The following USH1C variants were observed in gnomAD, a reference collection of about 807,000 sequenced individuals.
The protein encoded by USH1C is harmonin.
In USH1C, 90 loss-of-function variants were observed where a neutral mutation model predicts 119.3. The ratio of observed to expected loss-of-function variants is 0.75; its 90% CI spans 0.64 to 0.90. The LOEUF (loss-of-function observed/expected upper bound fraction) is 0.90. Ranked by LOEUF, USH1C falls within the 40% of genes least tolerant of loss-of-function variation. The probability of loss-of-function intolerance (pLI) is 0.00; values close to 1 mark genes in which losing one functional copy is unlikely to be tolerated. For synonymous variants in USH1C, 465 were observed against 443.3 expected (o/e 1.05, Z -0.62); for missense variants, 1,165 against 1,167.7 (o/e 1.00, Z 0.03).
chr11:17,498,259 T>A lies in USH1C; in HGVS notation c.2393A>T (p.Lys798Ile). 6.2e-7 allele frequency: 1 copy of A among 1,614,136 alleles called. No individual in the cohort carries two copies. Among genetic ancestry groups the A allele is most frequent in the East Asian group, 2.2e-5 (1 of 44,878 alleles). ...GAAERHGGIVKGDEIMAINGK... is the reference protein window; with the variant it reads ...GAAERHGGIVIGDEIMAINGK... Reference sequence around the variant, plus strand: ...GTTGATTGCCATGATCTCGTCCCCTTTCACAATGCCACCTGCAGGCAGATG... The same window carrying A: ...GTTGATTGCCATGATCTCGTCCCCTATCACAATGCCACCTGCAGGCAGATG... The change falls in exon 24 of 27, where the codon AAA (lysine) becomes ATA (isoleucine). Residue 798 changes from lysine (K) to isoleucine (I), a missense_variant. Coordinates refer to ENST00000005226, the MANE Select transcript of USH1C (RefSeq NM_153676.4).
At position 17,544,295 on chromosome 11, in the gene USH1C, C is replaced by T; in HGVS notation, c.13G>A (p.Val5Met). 1 of 1,614,092 alleles carries T rather than the reference C, an allele frequency of 6.2e-7. No homozygotes were observed. Among genetic ancestry groups the T allele is most frequent in the Non-Finnish European group, 8.5e-7 (1 of 1,179,986 alleles). ...ACCTTATGCCGGAATTCTCGGGCCACTTTTCGGTCCATGGCTGGGCCAGGT... is the reference window on the plus strand; with the variant it reads ...ACCTTATGCCGGAATTCTCGGGCCATTTTTCGGTCCATGGCTGGGCCAGGT... MDRK[V>M]AREFRHKVDF... The change falls in exon 1 of 27, where the codon GTG (valine) becomes ATG (methionine). Residue 5 changes from valine to methionine, a missense_variant. By Grantham distance (21) the Val-to-Met change is conservative (BLOSUM62 1). Transcript: ENST00000005226.
intron 1 of USH1C, among the ~76,000 whole-genome samples, chr11:17,543,249 G>T (rs1444609061): frequency 6.6e-6 from 1 of 152,242 alleles, no homozygotes; most frequent in Non-Finnish European, 1.5e-5. Flanking sequence ...ACCCTGACCT[G>T]CCCTACCTGA....
rs1231116298 is a variant in USH1C, at chr11:17,495,587, G to A, written c.2637C>T (p.Leu879=). 2 of 1,614,144 alleles carry A rather than the reference G, an allele frequency of 1.2e-6. No individual in the cohort carries two copies. The highest frequency in any genetic ancestry group is 1.3e-5 in the African/African-American group (1 of 75,048). ...DRAAVHRHGF[L]LQLEPTDLLL... ...TATTCACCGTGGGCTCCAGCTGCAGGAGGAACCCGTGTCTGTGCACGGCAG... is the reference window on the plus strand; with the variant it reads ...TATTCACCGTGGGCTCCAGCTGCAGAAGGAACCCGTGTCTGTGCACGGCAG... The change falls in exon 26 of 27, where the codon CTC becomes CTT. Residue 879 remains leucine (L), a synonymous_variant. Transcript: ENST00000005226.
intron 18 of USH1C, among the ~76,000 whole-genome samples, chr11:17,508,300 C>T (rs183805128): frequency 7.9e-5 from 12 of 152,340 alleles, no homozygotes; most frequent in African/African-American, 2.4e-4. Flanking sequence ...GAGAGTCTCC[C>T]GCTGGAAGCT....
At chr11:17,501,373 C>T (rs965712716) in intron 22 of USH1C, 109 bp downstream of exon 22, 1 of 1,327,748 alleles carries the variant, frequency 7.5e-7, no homozygotes, top group African/African-American at 1.5e-5. Flanking sequence ...ACAGTGGGGA[C>T]CTGAGAGACC....
At chr11:17,500,418 C>T (rs1037647962) in intron 23 of USH1C, among the ~76,000 whole-genome samples, 2 of 152,200 alleles carry the variant, frequency 1.3e-5, no homozygotes, top group African/African-American at 4.8e-5. Context: ...ATAACAGAAC[C>T]TGCTTTCAGG....
At chr11:17,524,988 T>C (rs77220689) in intron 8 of USH1C, among the ~76,000 whole-genome samples, 3,838 of 152,260 alleles carry the variant, frequency 0.025, 170 homozygotes, top group African/African-American at 0.087. Context: ...ACTACAGGTG[T>C]GCACCACCAT....
At chr11:17,538,506 C>A (rs1851319284) in intron 1 of USH1C, among the ~76,000 whole-genome samples, 1 of 152,170 alleles carries the variant, frequency 6.6e-6, no homozygotes, top group East Asian at 1.9e-4. Context: ...AGAGCCAGAA[C>A]AAATTAAATA....
At chr11:17,525,626 C>T (rs552504520) in intron 8 of USH1C, among the ~76,000 whole-genome samples, 16 of 152,180 alleles carry the variant, frequency 1.1e-4, no homozygotes, top group African/African-American at 2.4e-4. Flanking sequence ...ATCTGAGTAA[C>T]GGTGGCACCT....
intron 1 of USH1C, among the ~76,000 whole-genome samples, chr11:17,535,359 A>G (rs1851193050): frequency 1.3e-5 from 2 of 151,072 alleles, no homozygotes; most frequent in South Asian, 4.2e-4. Flanking sequence ...TGCTTCCCCC[A>G]CTTCCCTGCC....
At chr11:17,508,884 C>A (rs1591976730) in intron 18 of USH1C, among the ~76,000 whole-genome samples, 1 of 152,186 alleles carries the variant, frequency 6.6e-6, no homozygotes, top group East Asian at 1.9e-4. Flanking sequence ...GTTATCACTT[C>A]ATTTACAGAG....
chr11:17,495,726 C>T, intron 25 of USH1C, 49 bp from the exon 26 acceptor site: 1 of 1,589,536 alleles, frequency 6.3e-7, no homozygotes, highest in Non-Finnish European at 8.6e-7. Context: ...TTGGTTACTC[C>T]CAGGCAGAGC....
rs1028903986 is a variant in USH1C, at chr11:17,501,426, G to A, written c.2280+56C>T. On this transcript the variant is annotated intron_variant, in intron 22 of 26. Transcript: ENST00000005226. Reference sequence around the variant, plus strand: ...AGAGTAGAGGCAGGAGACCAAGGGAGGAGGGGCAGGCACAGAGAGGGATGG... The same window carrying A: ...AGAGTAGAGGCAGGAGACCAAGGGAAGAGGGGCAGGCACAGAGAGGGATGG... 3 of 1,580,340 alleles carry A rather than the reference G, an allele frequency of 1.9e-6. No individual in the cohort carries two copies. In the African/African-American group the frequency reaches 4.0e-5, roughly 21 times the overall value.
intron 1 of USH1C, among the ~76,000 whole-genome samples, chr11:17,543,657 C>A (rs1241231440): frequency 6.6e-6 from 1 of 152,196 alleles, no homozygotes; most frequent in Non-Finnish European, 1.5e-5. Flanking sequence ...CCGGCTCTGC[C>A]TGAAGGATCT....
At chr11:17,520,080 C>T (rs1413973361) in intron 14 of USH1C, among the ~76,000 whole-genome samples, 1 of 152,212 alleles carries the variant, frequency 6.6e-6, no homozygotes, top group Non-Finnish European at 1.5e-5. Context: ...AGCTGGAAGG[C>T]AGGAGTAAGG....
intron 4 of USH1C, among the ~76,000 whole-genome samples, 193 bp downstream of exon 4, chr11:17,530,961 G>C (rs560576074): frequency 1.7e-4 from 26 of 152,350 alleles, no homozygotes; most frequent in Admixed American, 2.6e-4. Flanking sequence ...CTTCACTCAA[G>C]AAAACAGGCA....
At chr11:17,494,858 C>T (rs1276971811) in intron 26 of USH1C, 2 of 261,070 alleles carry the variant, frequency 7.7e-6, no homozygotes, top group African/African-American at 4.4e-5. Flanking sequence ...TGTCCACGGG[C>T]ACATCCCTAT....
chr11:17,531,077 C>G lies in USH1C; in HGVS notation c.387+77G>C. ...AAGTGGGTGACCATGTTGTGCCACA[C>G]AGCCTAGTGGATGAATGAGGGGGAG... is the stretch of plus-strand genomic sequence containing the variant. On this transcript the variant is annotated intron_variant, in intron 4 of 26. Transcript: ENST00000005226. The surrounding 1 kb of genome is among the most constrained non-coding windows in gnomAD (Gnocchi z 4.2). 6.2e-7 allele frequency: 1 copy of G among 1,606,986 alleles called. No individual in the cohort carries two copies. The highest frequency in any genetic ancestry group is 8.5e-7 in the Non-Finnish European group (1 of 1,177,062).
chr11:17,537,367 C>A (rs189442498), intron 1 of USH1C, among the ~76,000 whole-genome samples: 1 of 152,300 alleles, frequency 6.6e-6, no homozygotes, highest in East Asian at 1.9e-4. Context: ...CTCCCACACT[C>A]CTTTCTTCCC....
Sources: gnomAD v4.1 joint callset for allele counts (sites outside exome capture counted in the v4.1 genomes callset) on GRCh38, gnomAD v4.1.1 for gene constraint, Gnocchi (gnomAD v3.1) non-coding constraint, MANE v1.5 for transcripts, NCBI Gene and HGNC (gene_info 2026-07-23, HGNC 2026-07-21) for gene names.